ZNF208: variants seen among roughly 807,000 people sequenced by gnomAD.
The protein encoded by ZNF208 is zinc finger protein 208.
ZNF208 carries 10 observed loss-of-function variants against 12.1 expected under a neutral mutation model. The observed-to-expected ratio is 0.83, with a 90% CI of 0.51 to 1.40. ZNF208 has a LOEUF of 1.40. Ranked by LOEUF, ZNF208 falls within the 40% of genes most tolerant of loss-of-function variation. The pLI, the probability that ZNF208 is intolerant of heterozygous loss-of-function variation, is 0.00. For missense variants in ZNF208, 1,652 were observed against 1,485.0 expected (o/e 1.11, Z -1.85); for synonymous variants, 497 against 488.4 (o/e 1.02, Z -0.23).
In ZNF208 at chr19:21,970,917, C is replaced by T. The variant is rs1376626551; in HGVS notation, c.*274G>A. Among the ~76,000 whole-genome samples, 1 of 151,528 alleles carries T rather than the reference C, an allele frequency of 6.6e-6. No homozygotes were observed. Among genetic ancestry groups the T allele is most frequent in the Non-Finnish European group, 1.5e-5 (1 of 67,920 alleles). On this transcript the variant is annotated 3_prime_UTR_variant, in exon 4 of 4. Transcript: ENST00000397126. Reference sequence around the variant, plus strand: ...CTGAGGGTTGAGGACCACTTATAGGCTTTGCCACATTCTTTGCATTTGTAT... The same window carrying T: ...CTGAGGGTTGAGGACCACTTATAGGTTTTGCCACATTCTTTGCATTTGTAT...
intron 1 of ZNF208, among the ~76,000 whole-genome samples, chr19:22,005,851 G>A (rs972898199): frequency 1.1e-4 from 17 of 152,136 alleles, no homozygotes; most frequent in African/African-American, 2.7e-4. Context: ...ATAAATAGCC[G>A]GGATTAGTAA....
intron 3 of ZNF208, among the ~76,000 whole-genome samples, chr19:21,976,444 G>A (rs1342432480): frequency 6.6e-6 from 1 of 151,420 alleles, no homozygotes; most frequent in Admixed American, 6.6e-5. Flanking sequence ...GAGAAAATGA[G>A]AGACAAGATG....
intron 2 of ZNF208, among the ~76,000 whole-genome samples, chr19:21,987,773 AG>A (rs1357179637): frequency 1.1e-4 from 16 of 152,312 alleles, no homozygotes; most frequent in Non-Finnish European, 1.5e-5. Context: ...CCACTGCTAT[AG>A]ATTAGGTGTA....
At chr19:21,995,027 C>T (rs1970808289) in intron 1 of ZNF208, among the ~76,000 whole-genome samples, 1 of 150,996 alleles carries the variant, frequency 6.6e-6, no homozygotes, top group Non-Finnish European at 1.5e-5. Flanking sequence ...TCTCAGCTCA[C>T]TGCAGCCTCC....
At chr19:22,008,573 G>A (rs1404241344) in intron 1 of ZNF208, among the ~76,000 whole-genome samples, 1 of 151,142 alleles carries the variant, frequency 6.6e-6, no homozygotes, top group African/African-American at 2.4e-5. Flanking sequence ...TGTCTTTGGA[G>A]TGCTATTTTT....
intron 4 of ZNF208, among the ~76,000 whole-genome samples, chr19:21,951,366 G>A (rs1969884993): frequency 6.6e-6 from 1 of 152,046 alleles, no homozygotes; most frequent in Non-Finnish European, 1.5e-5. Context: ...TGTATGCAAC[G>A]TGTGTAAAAA....
chr19:21,971,923 G>A lies in ZNF208; in HGVS notation c.3111C>T (p.Ala1037=), dbSNP rs200352996. ...CAGTAAGGCTTGAGGGCCAGCTGAA[G>A]GCTTTGTCACATTCTTCACATTTGT... The part of the protein sequence containing the change: ...TPYKCEECDK[A]FSWPSSLTEH... Residue 1037 remains alanine (A), a synonymous_variant, in exon 4 of 4, where the codon GCC becomes GCT. Coordinates refer to ENST00000397126, the MANE Select transcript of ZNF208 (RefSeq NM_007153.3). The A allele has an allele frequency of 6.5e-7, 1 of 1,530,720 alleles. No homozygotes were observed. The highest frequency in any genetic ancestry group is 8.9e-7 in the Non-Finnish European group (1 of 1,122,880). The allele number at this position is 1,530,720 out of a possible 1,614,324, so 94.8% of individuals were successfully genotyped here.
At chr19:22,006,046 A>T (rs571459202) in intron 1 of ZNF208, among the ~76,000 whole-genome samples, 1 of 152,184 alleles carries the variant, frequency 6.6e-6, no homozygotes. Context: ...AATACCTTTT[A>T]ATCAAACTTA....
intron 4 of ZNF208, among the ~76,000 whole-genome samples, chr19:21,952,532 G>A (rs1361084141): frequency 2.0e-5 from 3 of 152,248 alleles, no homozygotes; most frequent in Admixed American, 2.0e-4. Flanking sequence ...CAGGCACTCA[G>A]GGTATGGAGT....
chr19:21,982,251 G>A (rs1207692601), intron 3 of ZNF208, among the ~76,000 whole-genome samples: 9 of 151,532 alleles, frequency 5.9e-5, no homozygotes, highest in Admixed American at 2.0e-4. Context: ...CCAGCTACTC[G>A]GGAGGCTGAG....
chr19:21,977,893 G>T (rs1008227389), intron 3 of ZNF208, among the ~76,000 whole-genome samples: 2 of 152,180 alleles, frequency 1.3e-5, no homozygotes, highest in Admixed American at 1.3e-4. Flanking sequence ...CGAGCTTGGT[G>T]GGGGAAGGGC....
chr19:21,947,707 C>T (rs1445784335), intron 4 of ZNF208, among the ~76,000 whole-genome samples: 2 of 152,148 alleles, frequency 1.3e-5, no homozygotes, highest in Non-Finnish European at 2.9e-5. Context: ...GGAATTTGAA[C>T]AAAAAGGAAT....
intron 3 of ZNF208, among the ~76,000 whole-genome samples, chr19:21,981,144 A>G (rs1280397611): frequency 2.6e-5 from 4 of 152,066 alleles, no homozygotes; most frequent in Non-Finnish European, 4.4e-5. Flanking sequence ...AGAAGAGCTG[A>G]TTCTATTATT....
At chr19:21,991,688 C>T (rs372763277) in intron 1 of ZNF208, 2 of 141,684 alleles carry the variant, frequency 1.4e-5, no homozygotes, top group African/African-American at 5.5e-5. Flanking sequence ...TGCGGTTAGC[C>T]GAGATCATGC....
intron 3 of ZNF208, among the ~76,000 whole-genome samples, chr19:21,981,454 A>G (rs1970536518): frequency 6.6e-6 from 1 of 152,216 alleles, no homozygotes; most frequent in Non-Finnish European, 1.5e-5. Flanking sequence ...ACCAATGACA[A>G]AAACCACATG....
chr19:21,961,332 C>T (rs150174022), downstream of ZNF208, among the ~76,000 whole-genome samples: 1 of 152,034 alleles, frequency 6.6e-6, no homozygotes, highest in African/African-American at 2.4e-5. Flanking sequence ...GAGTACATCA[C>T]AAAGATCACA....
chr19:21,967,214 AGTTG>A lies in ZNF208; in HGVS notation c.*3973_*3976del, dbSNP rs1468368550. The A allele has an allele frequency of 6.6e-6, 1 of 151,718 alleles. No individual in the cohort carries two copies. Among genetic ancestry groups the A allele is most frequent in the Non-Finnish European group, 1.5e-5 (1 of 67,930 alleles). The allele number at this position is 151,718 out of a possible 1,614,324, so 9.4% of individuals were successfully genotyped here. On this transcript the variant is annotated 3_prime_UTR_variant, in exon 4 of 4. Coordinates refer to ENST00000397126, the MANE Select transcript of ZNF208 (RefSeq NM_007153.3). ...CAGATCAAGTCTTTAATCTATATTG[AGTTG>A]TTTTTTTTTTATAGAAAAAGGTAGT...
chr19:21,941,151 A>T (rs1969733283), intron 4 of ZNF208: 1 of 390,320 alleles, frequency 2.6e-6, no homozygotes, highest in Non-Finnish European at 4.5e-6. Context: ...GGAGAGCTTC[A>T]GCCAAATGGA....
Position 21,974,033 on chromosome 19 carries a change from A to G in ZNF208, c.1001T>C (p.Ile334Thr). 1.5e-6 allele frequency: 2 copies of G among 1,347,686 alleles called. No homozygotes were observed. Among genetic ancestry groups the G allele is most frequent in the Non-Finnish European group, 9.9e-7 (1 of 1,015,226 alleles). The allele number at this position is 1,347,686 out of a possible 1,614,324, so 83.5% of individuals were successfully genotyped here. ...TTTGTAGGGCTTCTCTCCAGCATGAATTGCCTTATGTGTAATAAGGGTTGA... is the reference window on the plus strand; with the variant it reads ...TTTGTAGGGCTTCTCTCCAGCATGAGTTGCCTTATGTGTAATAAGGGTTGA... ...KVSTLITHKA[I>T]HAGEKPYKCK... is the part of the protein sequence containing the mutation. The change falls in exon 4 of 4, where the codon ATT becomes ACT. Residue 334 changes from isoleucine (I) to threonine (T), a missense_variant. Transcript: ENST00000397126.
Sources: gnomAD v4.1 joint callset for allele counts (sites outside exome capture counted in the v4.1 genomes callset) on GRCh38, gnomAD v4.1.1 for gene constraint, MANE v1.5 for transcripts, NCBI Gene and HGNC (gene_info 2026-07-23, HGNC 2026-07-21) for gene names.